IBTK: variants seen among roughly 807,000 people sequenced by gnomAD.
IBTK encodes inhibitor of Bruton tyrosine kinase, also known as BTK-binding protein.
A neutral mutation model predicts 154.9 loss-of-function variants in IBTK; 83 were observed. That is an observed-to-expected ratio of 0.54 (90% CI 0.45 to 0.64). The LOEUF (loss-of-function observed/expected upper bound fraction) is 0.64. Ranked by LOEUF, IBTK falls within the 30% of genes least tolerant of loss-of-function variation. The probability of loss-of-function intolerance (pLI) is 0.00; values close to 1 mark genes in which losing one functional copy is unlikely to be tolerated. For missense variants in IBTK, 1,332 were observed against 1,584.6 expected (o/e 0.84, Z 2.71); for synonymous variants, 515 against 536.1 (o/e 0.96, Z 0.54).
At chr6:82,192,482 C>A (rs1213309265) in intron 23 of IBTK, among the ~76,000 whole-genome samples, 1 of 152,248 alleles carries the variant, frequency 6.6e-6, no homozygotes, top group South Asian at 2.1e-4. Flanking sequence ...TGTGGTGGCT[C>A]AAGCCTGTAA....
At chr6:82,215,678 T>G (rs547332650) in intron 11 of IBTK, among the ~76,000 whole-genome samples, 1 of 150,760 alleles carries the variant, frequency 6.6e-6, no homozygotes, top group Non-Finnish European at 1.5e-5. Flanking sequence ...TCCCAACTAC[T>G]TGGGAGGCTG....
At position 82,170,199 on chromosome 6, in the gene IBTK, T is replaced by TA. The variant is rs1767885649; in HGVS notation, c.*1225dup. The TA allele has an allele frequency of 6.6e-6, 1 of 152,588 alleles. No homozygotes were observed. The highest frequency in any genetic ancestry group is 2.4e-5 in the African/African-American group (1 of 41,456). 9.5% of individuals were successfully genotyped at this position (152,588 alleles called of 1,614,324 possible). A position where few individuals can be genotyped will look rare whatever the true frequency, so the allele number is the denominator to read the frequency against. On this transcript the variant is annotated 3_prime_UTR_variant, in exon 29 of 29. Coordinates refer to ENST00000306270, the MANE Select transcript of IBTK (RefSeq NM_015525.4). ...AAATAATTATTAACTCTTTCCATAA[T>TA]AAATGTCAATATAGTAAAAAATGTC...
At position 82,224,103 on chromosome 6, in the gene IBTK, G is replaced by C; in HGVS notation, c.908C>G (p.Ala303Gly). 2 of 1,611,336 alleles carry C rather than the reference G, an allele frequency of 1.2e-6. No homozygotes were observed. The highest frequency in any genetic ancestry group is 1.1e-5 in the South Asian group (1 of 90,952). ...ACCATTTAGTCCCATAGTGTAAACA[G>C]CTTCTCTAGTCCATAGGACTGTATG... Reference protein sequence around the residue: ...RFHTVLWTREAVYTMGLNGGQ... With the variant: ...RFHTVLWTREGVYTMGLNGGQ... The change falls in exon 7 of 29, where the codon GCT (alanine) becomes GGT (glycine). Residue 303 changes from alanine to glycine, a missense_variant. Physicochemically the swap from Ala to Gly is moderately conservative, Grantham distance 60. Transcript: ENST00000306270.
At chr6:82,173,674 A>ATATATATAT in intron 26 of IBTK, 1 of 190,690 alleles carries the variant, frequency 5.2e-6, no homozygotes, top group Non-Finnish European at 1.0e-5. Context: ...TCTAATAATA[A>ATATATATAT]ATATATATAT....
At chr6:82,202,120 G>T (rs951984733) in intron 18 of IBTK, among the ~76,000 whole-genome samples, 1 of 152,082 alleles carries the variant, frequency 6.6e-6, no homozygotes, top group Non-Finnish European at 1.5e-5. Flanking sequence ...AATGCTTTTA[G>T]AACACCGTCT....
At position 82,240,487 on chromosome 6, in the gene IBTK, C is replaced by G; in HGVS notation, c.-1G>C. 6.2e-7 allele frequency: 1 copy of G among 1,608,798 alleles called. No individual in the cohort carries two copies. The highest frequency in any genetic ancestry group is 8.5e-7 in the Non-Finnish European group (1 of 1,177,750). On this transcript the variant is annotated 5_prime_UTR_variant, in exon 2 of 29. Transcript: ENST00000306270. ...TGCAGTCAGGCATGGGTGAACTCAT[C>G]CTAACTGTTTTTATACCACTTACTT...
intron 17 of IBTK, among the ~76,000 whole-genome samples, chr6:82,204,114 G>C (rs9344256): frequency 0.01 from 1,552 of 152,258 alleles, 42 homozygotes; most frequent in East Asian, 0.05. Context: ...GGGGGAAGAT[G>C]TAACTACTTC....
In IBTK at chr6:82,171,575, A is replaced by G. The variant is rs1042078881; in HGVS notation, c.3931-19T>C. Reference sequence around the variant, plus strand: ...CCTCAATCTGAAAGGAGGAAGGGAAAGAAGACTCTTTACTCTTTTAATTAT... The same window carrying G: ...CCTCAATCTGAAAGGAGGAAGGGAAGGAAGACTCTTTACTCTTTTAATTAT... On this transcript the variant is annotated intron_variant, in intron 28 of 28. Coordinates refer to ENST00000306270, the MANE Select transcript of IBTK (RefSeq NM_015525.4). 1.9e-6 allele frequency: 3 copies of G among 1,565,658 alleles called. No homozygotes were observed. Among genetic ancestry groups the G allele is most frequent in the African/African-American group, 1.4e-5 (1 of 73,620 alleles).
intron 2 of IBTK, among the ~76,000 whole-genome samples, chr6:82,238,244 A>T (rs1284938957): frequency 6.7e-6 from 1 of 150,214 alleles, no homozygotes; most frequent in Non-Finnish European, 1.5e-5. Context: ...ACTCCGTCGC[A>T]AAAAAAAATA....
intron 22 of IBTK, among the ~76,000 whole-genome samples, chr6:82,196,029 G>A (rs1768973053): frequency 6.6e-6 from 1 of 152,026 alleles, no homozygotes; most frequent in African/African-American, 2.4e-5. Flanking sequence ...TTTTCAACAT[G>A]TCTATAGTGT....
At chr6:82,211,052 C>T (rs1043043197) in intron 15 of IBTK, 142 bp from the exon 16 acceptor site, 35 of 470,544 alleles carry the variant, frequency 7.4e-5, no homozygotes, top group Non-Finnish European at 1.1e-4. Context: ...AAACACATGG[C>T]TAAAATAATA....
intron 9 of IBTK, among the ~76,000 whole-genome samples, chr6:82,218,563 A>C (rs557037217): frequency 3.3e-4 from 50 of 152,218 alleles, no homozygotes; most frequent in Non-Finnish European, 7.1e-4. Flanking sequence ...AAAAAAGTAA[A>C]TGTATGCATA....
At chr6:82,197,250 C>T (rs1769025437) in intron 21 of IBTK, among the ~76,000 whole-genome samples, 1 of 152,086 alleles carries the variant, frequency 6.6e-6, no homozygotes, top group Non-Finnish European at 1.5e-5. Flanking sequence ...TAAAACCTAC[C>T]ATCTCTTATA....
At chr6:82,187,789 A>C (rs1562075285) in intron 25 of IBTK, among the ~76,000 whole-genome samples, 1 of 152,172 alleles carries the variant, frequency 6.6e-6, no homozygotes, top group African/African-American at 2.4e-5. Flanking sequence ...TGTACTCCCT[A>C]TCTCCATATG....
chr6:82,191,680 C>G, intron 24 of IBTK, 107 bp downstream of exon 24: 1 of 767,786 alleles, frequency 1.3e-6, no homozygotes, highest in Non-Finnish European at 2.3e-6. Context: ...GTATAATTAA[C>G]TATAACATCA....
In IBTK at chr6:82,240,532, T is replaced by G. The variant is rs1461052069; in HGVS notation, c.-46A>C. ...TTACTTCAGAATCGTGAAAACTAAT[T>G]TTAAAAAATGAAAAAGCCAGGACAC... On this transcript the variant is annotated 5_prime_UTR_variant, in exon 2 of 29. Transcript: ENST00000306270. The G allele has an allele frequency of 6.6e-7, 1 of 1,519,730 alleles. No individual in the cohort carries two copies. Among genetic ancestry groups the G allele is most frequent in the South Asian group, 1.2e-5 (1 of 81,428 alleles). 94.1% of individuals were successfully genotyped at this position (1,519,730 alleles called of 1,614,324 possible).
At chr6:82,208,086 A>G (rs1769477677) in intron 16 of IBTK, among the ~76,000 whole-genome samples, 1 of 151,206 alleles carries the variant, frequency 6.6e-6, no homozygotes, top group Admixed American at 6.6e-5. Context: ...CATACTTGAG[A>G]TTTGCTGAAG....
At chr6:82,197,023 G>A (rs1026728057) in intron 21 of IBTK, among the ~76,000 whole-genome samples, 1 of 152,118 alleles carries the variant, frequency 6.6e-6, no homozygotes, top group Non-Finnish European at 1.5e-5. Context: ...GAAGCAAGAG[G>A]GTTGTTGTGA....
rs9986532 is a variant in IBTK, at chr6:82,200,660, C to T, written c.2839G>A (p.Asp947Asn). The T allele has an allele frequency of 6.3e-7, 1 of 1,597,458 alleles. No individual in the cohort carries two copies. Among genetic ancestry groups the T allele is most frequent in the South Asian group, 1.1e-5 (1 of 88,466 alleles). ...RVITPYQDGP[D>N]ISYLEVEDGD... Reference sequence around the variant, plus strand: ...TCTTCTACTTCCAAATAGCTAATATCTGGTCCATCTTGATATGGTGTAATG... The same window carrying T: ...TCTTCTACTTCCAAATAGCTAATATTTGGTCCATCTTGATATGGTGTAATG... Residue 947 changes from aspartate (D) to asparagine (N), a missense_variant, in exon 20 of 29, where the codon GAT becomes AAT. Asp to Asn is a conservative substitution (Grantham distance 23, BLOSUM62 1). This residue lies in a region of IBTK where 1,134 missense variants were observed against 1,274.7 expected (regional missense o/e 0.89). Coordinates refer to ENST00000306270, the MANE Select transcript of IBTK (RefSeq NM_015525.4).
Sources: allele counts gnomAD v4.1 joint callset (sites outside exome capture counted in the v4.1 genomes callset), GRCh38; gene constraint gnomAD v4.1.1; regional missense constraint gnomAD v4.1.1; transcripts MANE v1.5; gene names NCBI Gene and HGNC (gene_info 2026-07-23, HGNC 2026-07-21).